Variants in GPATCH8 observed in about 807,000 individuals in gnomAD.
GPATCH8 encodes G patch domain-containing protein 8.
Under a neutral mutation model 118.3 loss-of-function variants are expected in GPATCH8, and 18 were observed. The ratio of observed to expected loss-of-function variants is 0.15; its 90% CI spans 0.11 to 0.23. The LOEUF is 0.23. GPATCH8 is among the 10% of genes least tolerant of loss of function. GPATCH8 has a pLI of 1.00. For synonymous variants in GPATCH8, 659 were observed against 684.7 expected, an observed-to-expected ratio of 0.96 and a Z score of 0.59; for missense variants, 1,631 against 1,873.8, an observed-to-expected ratio of 0.87 and a Z score of 2.39.
intron 3 of GPATCH8, among the ~76,000 whole-genome samples, chr17:44,459,923 C>T (rs946549585): frequency 2.0e-5 from 3 of 152,146 alleles, no homozygotes; most frequent in African/African-American, 4.8e-5. Context: ...GAAATAATAT[C>T]AGACCCCATT....
At chr17:44,503,248 G>C in intron 1 of GPATCH8, 78 bp downstream of exon 1, 4 of 1,292,972 alleles carry the variant, frequency 3.1e-6, no homozygotes, top group East Asian at 5.0e-5. Context: ...GAAGGAAAGA[G>C]GGCTGGGAGC....
intron 3 of GPATCH8, among the ~76,000 whole-genome samples, chr17:44,442,062 T>C (rs563471413): frequency 3.3e-4 from 47 of 144,302 alleles, no homozygotes; most frequent in African/African-American, 1.1e-3. Flanking sequence ...TAAAATAATA[T>C]ATATATACAC....
At chr17:44,418,730 C>T (rs1033853903) in intron 6 of GPATCH8, among the ~76,000 whole-genome samples, 2 of 152,118 alleles carry the variant, frequency 1.3e-5, no homozygotes, top group Admixed American at 6.6e-5. Context: ...GGATTACAGG[C>T]GTGAGCCACC....
intron 3 of GPATCH8, among the ~76,000 whole-genome samples, chr17:44,459,356 T>C (rs2051460242): frequency 6.6e-6 from 1 of 152,242 alleles, no homozygotes; most frequent in Non-Finnish European, 1.5e-5. Flanking sequence ...GGCATTTTTA[T>C]AGTCTGTATA....
chr17:44,396,141 G>A lies in GPATCH8; in HGVS notation c.*1427C>T, dbSNP rs1314282427. 1 of 454,094 alleles carries A rather than the reference G, an allele frequency of 2.2e-6. No homozygotes were observed. Among genetic ancestry groups the A allele is most frequent in the Non-Finnish European group, 4.4e-6 (1 of 226,724 alleles). 28.1% of individuals were successfully genotyped at this position (454,094 alleles called of 1,614,324 possible). ...ACTTCCGTTTCTACCAACCCAAAAGGCACATTAAAAAAAAAATTGTCAGAG... is the reference window on the plus strand; with the variant it reads ...ACTTCCGTTTCTACCAACCCAAAAGACACATTAAAAAAAAAATTGTCAGAG... On this transcript the variant is annotated 3_prime_UTR_variant, in exon 8 of 8. Coordinates refer to ENST00000591680, the MANE Select transcript of GPATCH8 (RefSeq NM_001002909.4).
intron 3 of GPATCH8, among the ~76,000 whole-genome samples, chr17:44,441,955 G>T (rs1160215891): frequency 6.6e-6 from 1 of 151,892 alleles, no homozygotes; most frequent in Non-Finnish European, 1.5e-5. Context: ...TTAAACCCGG[G>T]AGGCGGAGGT....
At chr17:44,502,510 C>T (rs7501998) in intron 1 of GPATCH8, among the ~76,000 whole-genome samples, 5,942 of 152,134 alleles carry the variant, frequency 0.039, 386 homozygotes, top group African/African-American at 0.14. Flanking sequence ...TCTAATTTGG[C>T]CTTTATTTTT....
At chr17:44,501,870 A>C (rs907185109) in intron 1 of GPATCH8, among the ~76,000 whole-genome samples, 1 of 152,190 alleles carries the variant, frequency 6.6e-6, no homozygotes, top group Non-Finnish European at 1.5e-5. Context: ...TTTAAAAATC[A>C]ATAAAGCTCA....
chr17:44,405,972 T>G lies in GPATCH8; in HGVS notation c.572A>C (p.Lys191Thr), dbSNP rs2049205811. The G allele has an allele frequency of 1.9e-6, 3 of 1,610,802 alleles. No individual in the cohort carries two copies. ...RSRKDEKKQEKALRRLHELAE... is the reference protein window; with the variant it reads ...RSRKDEKKQETALRRLHELAE... ...CAACTCATGGAGCCGCCGAAGGGCT[T>G]TTTCCTGTTTTTTCTCATCCTTGCG... Residue 191 changes from lysine to threonine, a missense_variant, in exon 7 of 8, where the codon AAA becomes ACA. Physicochemically the swap from Lys to Thr is moderately conservative, Grantham distance 78. This residue lies in a region of GPATCH8 where 81 missense variants were observed against 227.6 expected (regional missense o/e 0.36). Transcript: ENST00000591680.
At chr17:44,477,639 TAAAG>T (rs915622834) in intron 1 of GPATCH8, among the ~76,000 whole-genome samples, 2 of 109,796 alleles carry the variant, frequency 1.8e-5, no homozygotes, top group African/African-American at 7.1e-5. Flanking sequence ...TCTATCCAAA[TAAAG>T]AAAGGGAAAA....
intron 6 of GPATCH8, among the ~76,000 whole-genome samples, 185 bp downstream of exon 6, chr17:44,424,164 C>A (rs967871528): frequency 6.6e-6 from 1 of 152,054 alleles, no homozygotes; most frequent in African/African-American, 2.4e-5. Flanking sequence ...GGAGTGTGGG[C>A]TGGAGGTGGT....
At chr17:44,429,689 AC>A (rs1440376983) in intron 5 of GPATCH8, among the ~76,000 whole-genome samples, 325 of 79,772 alleles carry the variant, frequency 4.1e-3, no homozygotes, top group African/African-American at 0.011. Flanking sequence ...CACACACAAA[AC>A]AACAAACAAA....
intron 3 of GPATCH8, among the ~76,000 whole-genome samples, chr17:44,447,672 T>C (rs2050938137): frequency 6.6e-6 from 1 of 150,864 alleles, no homozygotes; most frequent in East Asian, 2.0e-4. Context: ...AGGCTGGAGA[T>C]TAGAGTGCAG....
Position 44,396,713 on chromosome 17 carries a change from C to G in GPATCH8, c.*855G>C, listed in dbSNP as rs1567916160. ...TTGCAGTATACTACAAATATGGAACCTTTTTTATATGAGCTACAAAAAGCA... is the reference window on the plus strand; with the variant it reads ...TTGCAGTATACTACAAATATGGAACGTTTTTTATATGAGCTACAAAAAGCA... On this transcript the variant is annotated 3_prime_UTR_variant, in exon 8 of 8. Transcript: ENST00000591680. 2.2e-6 allele frequency: 1 copy of G among 445,354 alleles called. No individual in the cohort carries two copies. The highest frequency in any genetic ancestry group is 4.5e-6 in the Non-Finnish European group (1 of 224,520). 27.6% of individuals were successfully genotyped at this position (445,354 alleles called of 1,614,324 possible).
chr17:44,489,990 C>G (rs540366631), intron 1 of GPATCH8, among the ~76,000 whole-genome samples: 7 of 152,180 alleles, frequency 4.6e-5, no homozygotes, highest in Non-Finnish European at 1.0e-4. Flanking sequence ...ATATATCATA[C>G]AAACCACTTC....
intron 5 of GPATCH8, among the ~76,000 whole-genome samples, chr17:44,427,101 C>T (rs972059825): frequency 6.7e-6 from 1 of 150,134 alleles, no homozygotes; most frequent in Admixed American, 6.6e-5. Context: ...TTTGAGACAG[C>T]GTCTTGCTCT....
At chr17:44,421,228 C>T (rs1052912449) in intron 6 of GPATCH8, among the ~76,000 whole-genome samples, 4 of 151,966 alleles carry the variant, frequency 2.6e-5, no homozygotes, top group Non-Finnish European at 5.9e-5. Flanking sequence ...GTAATTCCAG[C>T]TACTCTGGGG....
At chr17:44,475,420 C>T (rs1342618774) in intron 1 of GPATCH8, among the ~76,000 whole-genome samples, 6 of 151,066 alleles carry the variant, frequency 4.0e-5, no homozygotes, top group East Asian at 2.0e-4. Flanking sequence ...TATAAAAGGC[C>T]GGGCGCGGTG....
intron 5 of GPATCH8, among the ~76,000 whole-genome samples, chr17:44,428,091 G>A (rs371215000): frequency 6.6e-6 from 1 of 152,048 alleles, no homozygotes; most frequent in African/African-American, 2.4e-5. Flanking sequence ...AAACCAGCCT[G>A]GGCAACATAG....
Sources: allele counts gnomAD v4.1 joint callset (sites outside exome capture counted in the v4.1 genomes callset), GRCh38; gene constraint gnomAD v4.1.1; regional missense constraint gnomAD v4.1.1; transcripts MANE v1.5; gene names NCBI Gene and HGNC (gene_info 2026-07-23, HGNC 2026-07-21).